The following ABCC8 variants were observed in gnomAD, a reference collection of about 807,000 sequenced individuals.
ABCC8 encodes the protein ATP-binding cassette sub-family C member 8.
In ABCC8, 137 loss-of-function variants were observed where a neutral mutation model predicts 188.0. The observed-to-expected ratio is 0.73, with a 90% CI of 0.63 to 0.84. ABCC8 has a LOEUF of 0.84. Among genes scored for constraint, ABCC8 ranks in the 40% least tolerant of loss-of-function variants. ABCC8 has a pLI of 0.00. For synonymous variants in ABCC8, 797 were observed against 846.5 expected (o/e 0.94, Z 1.01); for missense variants, 1,750 against 2,072.7 (o/e 0.84, Z 3.02).
chr11:17,393,910 C>A, intron 37 of ABCC8, 151 bp from the exon 38 acceptor site: 1 of 1,517,042 alleles, frequency 6.6e-7, no homozygotes. Context: ...AACAGGTTCC[C>A]GGCACTCAGG....
chr11:17,451,667 TACC>T (rs2133636050), intron 7 of ABCC8, among the ~76,000 whole-genome samples: 1 of 152,388 alleles, frequency 6.6e-6, no homozygotes, highest in African/African-American at 2.4e-5. Context: ...TTCAGGATTT[TACC>T]ACAACTTCAT....
intron 23 of ABCC8, 68 bp downstream of exon 23, chr11:17,408,324 T>G: frequency 1.4e-6 from 2 of 1,470,844 alleles, no homozygotes; most frequent in South Asian, 1.1e-5. Context: ...AAGACCTTTA[T>G]GAGTTCAGGT....
chr11:17,436,274 T>C, intron 10 of ABCC8: 1 of 435,620 alleles, frequency 2.3e-6, no homozygotes, highest in South Asian at 2.1e-5. Context: ...TGGATGTGGC[T>C]GGACCTGGGA....
At chr11:17,476,506 C>T in intron 1 of ABCC8, 123 bp downstream of exon 1, 3 of 1,270,998 alleles carry the variant, frequency 2.4e-6, no homozygotes, top group Non-Finnish European at 2.2e-6. Flanking sequence ...GCAGGGGACC[C>T]CGGGAACGAG....
At chr11:17,472,962 C>A (rs1166159876) in intron 2 of ABCC8, among the ~76,000 whole-genome samples, 1 of 152,236 alleles carries the variant, frequency 6.6e-6, no homozygotes, top group African/African-American at 2.4e-5. Flanking sequence ...AGCCAACACC[C>A]TGCCCAGGGA....
At chr11:17,428,148 G>A in intron 14 of ABCC8, 141 bp downstream of exon 14, 1 of 1,548,688 alleles carries the variant, frequency 6.5e-7, no homozygotes. Context: ...GTGGTCCCTG[G>A]TTTCTGGACT....
intron 32 of ABCC8, 68 bp from the exon 33 acceptor site, chr11:17,397,114 C>G: frequency 6.2e-7 from 1 of 1,613,706 alleles, no homozygotes; most frequent in Non-Finnish European, 8.5e-7. Context: ...GCCACCCCAT[C>G]CCCAGGCTCC....
chr11:17,413,517 T>C (rs1378001950), intron 19 of ABCC8, 39 bp from the exon 20 acceptor site: 2 of 1,612,678 alleles, frequency 1.2e-6, no homozygotes, highest in Non-Finnish European at 1.7e-6. Flanking sequence ...CTGGTCAGCC[T>C]GGTCAGAGTT....
Position 17,427,970 on chromosome 11 carries a change from G to C in ABCC8, c.2041-28C>G. ...TCATTAGGCGTGTCCCACCGCCCAG[G>C]AGAGAACAGAAAGGCAGCCAGTTCC... is the stretch of plus-strand genomic sequence containing the variant. On this transcript the variant is annotated intron_variant, in intron 14 of 38. Coordinates refer to ENST00000389817, the MANE Select transcript of ABCC8 (RefSeq NM_000352.6). The surrounding 1 kb of genome is among the most constrained non-coding windows in gnomAD (Gnocchi z 5.0). The C allele has an allele frequency of 6.2e-7, 1 of 1,609,936 alleles. No homozygotes were observed. Among genetic ancestry groups the C allele is most frequent in the Non-Finnish European group, 8.5e-7 (1 of 1,178,038 alleles).
Position 17,393,111 on chromosome 11 carries a change from G to A in ABCC8, c.4626C>T (p.Ile1542=). 6.2e-7 allele frequency: 1 copy of A among 1,608,284 alleles called. No homozygotes were observed. Among genetic ancestry groups the A allele is most frequent in the Non-Finnish European group, 8.5e-7 (1 of 1,176,580 alleles). ...GGACGATCACCAGGTCTGCACTCAGGATGGTGTGCACTCGATGCTGGGCAG... is the reference window on the plus strand; with the variant it reads ...GGACGATCACCAGGTCTGCACTCAGAATGGTGTGCACTCGATGCTGGGCAG... ...VVTIAHRVHT[I]LSADLVIVLK... is the part of the protein sequence containing the mutation. Residue 1542 remains isoleucine, a synonymous_variant, in exon 39 of 39, where the codon ATC becomes ATT. Transcript: ENST00000389817.
At chr11:17,397,413 C>T in intron 31 of ABCC8, 100 bp from the exon 32 acceptor site, 1 of 1,579,384 alleles carries the variant, frequency 6.3e-7, no homozygotes, top group Non-Finnish European at 8.6e-7. Context: ...GCCAGGGCCC[C>T]AGATTCCTTT....
chr11:17,427,888 T>C lies in ABCC8; in HGVS notation c.2095A>G (p.Ile699Val). ...TPDGIPTLSN[I>V]TIRIPRGQLT... ...ATACCTCGGGGGATACGAATGGTGA[T>C]GTTGGACAGTGTGGGGATTCCATCT... The change falls in exon 15 of 39, where the codon ATC (isoleucine) becomes GTC (valine). Residue 699 changes from isoleucine (I) to valine (V), a missense_variant. Coordinates refer to ENST00000389817, the MANE Select transcript of ABCC8 (RefSeq NM_000352.6). The surrounding 1 kb of genome is among the most constrained non-coding windows in gnomAD (Gnocchi z 5.0). The C allele has an allele frequency of 6.2e-7, 1 of 1,614,072 alleles. No homozygotes were observed. The highest frequency in any genetic ancestry group is 8.5e-7 in the Non-Finnish European group (1 of 1,179,976).
chr11:17,460,394 G>A, intron 6 of ABCC8, 94 bp downstream of exon 6: 2 of 1,576,966 alleles, frequency 1.3e-6, no homozygotes, highest in East Asian at 2.2e-5. Flanking sequence ...CCACTCCAGT[G>A]TGGCCATGGC....
In ABCC8 at chr11:17,410,085, C is replaced by T. The variant is rs1037829369; in HGVS notation, c.2694+431G>A. Among the ~76,000 whole-genome samples the T allele has an allele frequency of 1.6e-4, 25 of 152,188 alleles. 1 individual carries two copies. In the South Asian group the frequency reaches 3.1e-3, roughly 19 times the overall value. On this transcript the variant is annotated intron_variant, in intron 22 of 38. Coordinates refer to ENST00000389817, the MANE Select transcript of ABCC8 (RefSeq NM_000352.6). ...CTATTACTACTGCTATTGTTTGGTT[C>T]CATATTTCCCATATGATTCCCGGGG...
At chr11:17,395,079 T>C in intron 36 of ABCC8, 93 bp downstream of exon 36, 1 of 1,505,332 alleles carries the variant, frequency 6.6e-7, no homozygotes, top group South Asian at 1.2e-5. Context: ...GACTCCAAAC[T>C]TGGGGCAAAC....
rs771890890 is a variant in ABCC8 at position 17,460,718 on chromosome 11, T to TA, written c.823-43dup. The TA allele has an allele frequency of 1.6e-5, 25 of 1,600,662 alleles. 1 individual carries two copies. The South Asian group carries it at 2.8e-4, about 18-fold the overall frequency. On this transcript the variant is annotated intron_variant, in intron 5 of 38. Transcript: ENST00000389817. ...TGGCCAGGTCAGAGTGCCTGAGGGC[T>TA]AATTCACGGCTGGGCCTAGCCTCCC...
intron 16 of ABCC8, among the ~76,000 whole-genome samples, chr11:17,426,651 C>G (rs1028427709): frequency 6.6e-5 from 10 of 152,212 alleles, no homozygotes; most frequent in African/African-American, 2.4e-4. Context: ...TTGCAATTTC[C>G]CACACTGGGA....
At chr11:17,472,339 T>C (rs772927008) in intron 2 of ABCC8, among the ~76,000 whole-genome samples, 1 of 152,238 alleles carries the variant, frequency 6.6e-6, no homozygotes, top group African/African-American at 2.4e-5. Context: ...AAATATCTTC[T>C]TCACTAACTT....
At position 17,460,572 on chromosome 11, in the gene ABCC8, G is replaced by A. The variant is rs543571996; in HGVS notation, c.927C>T (p.Ala309=). The A allele has an allele frequency of 1.9e-5, 30 of 1,613,876 alleles. No individual in the cohort carries two copies. The highest frequency in any genetic ancestry group is 1.1e-4 in the East Asian group (5 of 44,882). The stretch of plus-strand genomic sequence containing the variant: ...GTGGCCCGGCGAAGCCCAGCAGGTC[G>A]GCCAAGATGCGGAAAGTGCTGCTGA... ...LVLSSTFRIL[A]DLLGFAGPLC... Residue 309 remains alanine, a synonymous_variant, in exon 6 of 39, where the codon GCC becomes GCT. Transcript: ENST00000389817.
Sources: allele counts gnomAD v4.1 joint callset (sites outside exome capture counted in the v4.1 genomes callset), GRCh38; gene constraint gnomAD v4.1.1; non-coding constraint Gnocchi (gnomAD v3.1); transcripts MANE v1.5; gene names NCBI Gene and HGNC (gene_info 2026-07-23, HGNC 2026-07-21).